The following ZNF469 variants were observed in gnomAD, a reference collection of about 807,000 sequenced individuals.
ZNF469 encodes zinc finger protein 469.
ZNF469 carries 1 observed loss-of-function variant against 1.0 expected under a neutral mutation model. The ratio of observed to expected loss-of-function variants is 1.00; its 90% CI spans 0.35 to 4.73. The LOEUF is 4.73. Ranked by LOEUF, ZNF469 falls within the 30% of genes most tolerant of loss-of-function variation. The pLI is 0.16. For missense variants in ZNF469, 6,100 were observed against 5,356.3 expected (o/e 1.14, Z -4.33); for synonymous variants, 2,703 against 2,363.4 (o/e 1.14, Z -4.17).
chr16:88,401,932 ATAGATACGTGGG>A (rs1268644206), intron 1 of ZNF469, among the ~76,000 whole-genome samples: 1,902 of 126,052 alleles, frequency 0.015, 8 homozygotes, highest in East Asian at 0.043. Context: ...GGATGGATGG[ATAGATACGTGGG>A]TGGATGGGAA....
At chr16:88,204,490 C>A in the ZNF469 span, among the ~76,000 whole-genome samples, 1 of 152,242 alleles carries the variant, frequency 6.6e-6, no homozygotes, top group Non-Finnish European at 1.5e-5. Flanking sequence ...CTAGGCCCTC[C>A]TCGTCCCTCT....
chr16:88,385,407 A>G (rs993967533), intron 1 of ZNF469, among the ~76,000 whole-genome samples: 2 of 152,098 alleles, frequency 1.3e-5, no homozygotes, highest in African/African-American at 2.4e-5. Flanking sequence ...AGGCTGAGAC[A>G]GGTGGATCAC....
At chr16:88,289,150 G>A in the ZNF469 span, among the ~76,000 whole-genome samples, 2 of 151,502 alleles carry the variant, frequency 1.3e-5, no homozygotes, top group East Asian at 3.9e-4. Flanking sequence ...GAGGATGATG[G>A]TGATGGCAAT....
chr16:88,105,082 G>A, the ZNF469 span, among the ~76,000 whole-genome samples: 1 of 152,114 alleles, frequency 6.6e-6, no homozygotes, highest in East Asian at 1.9e-4. Context: ...TTAGCCAGGG[G>A]TGGTGGTGCG....
chr16:88,145,997 A>G, the ZNF469 span, among the ~76,000 whole-genome samples: 3 of 152,220 alleles, frequency 2.0e-5, no homozygotes, highest in Non-Finnish European at 2.9e-5. Flanking sequence ...AGACTGGGCC[A>G]CTTTGTGTTT....
At chr16:88,225,423 C>T in the ZNF469 span, among the ~76,000 whole-genome samples, 1 of 152,142 alleles carries the variant, frequency 6.6e-6, no homozygotes, top group African/African-American at 2.4e-5. Context: ...GATCAAAGGC[C>T]CCCTTTCTAA....
At chr16:88,184,862 G>A in the ZNF469 span, among the ~76,000 whole-genome samples, 6 of 152,222 alleles carry the variant, frequency 3.9e-5, no homozygotes, top group African/African-American at 1.4e-4. Context: ...GGGGACACGT[G>A]CGTGCACAGA....
chr16:88,323,377 T>C, the ZNF469 span, among the ~76,000 whole-genome samples: 1 of 152,246 alleles, frequency 6.6e-6, no homozygotes, highest in African/African-American at 2.4e-5. Flanking sequence ...GCCAAGATGA[T>C]GGCTGCTTAC....
the ZNF469 span, among the ~76,000 whole-genome samples, chr16:88,304,889 C>G: frequency 3.3e-5 from 5 of 152,208 alleles, no homozygotes; most frequent in African/African-American, 1.2e-4. Context: ...CTTGCTTCCC[C>G]TGCAAGAATT....
rs549710207 is a variant in ZNF469, at chr16:88,406,268, A to G, written c.-191-18539A>G. ...TCTCAGGGTGGCCGTGTATGTGTGCACGTGTGTGTTCATCCGTGTACACAT... is the reference window on the plus strand; with the variant it reads ...TCTCAGGGTGGCCGTGTATGTGTGCGCGTGTGTGTTCATCCGTGTACACAT... On this transcript the variant is annotated intron_variant, in intron 1 of 2. Coordinates refer to ENST00000565624, the MANE Select transcript of ZNF469 (RefSeq NM_001367624.2). 6.6e-5 allele frequency among the ~76,000 whole-genome samples: 10 copies of G among 152,308 alleles called. No individual in the cohort carries two copies. The South Asian group carries it at 2.1e-3, about 32-fold the overall frequency.
chr16:88,348,486 G>A, the ZNF469 span, among the ~76,000 whole-genome samples: 33 of 152,170 alleles, frequency 2.2e-4, no homozygotes, highest in Non-Finnish European at 4.3e-4. Flanking sequence ...ATCCCTCAGG[G>A]GCCACCATTG....
the ZNF469 span, among the ~76,000 whole-genome samples, chr16:88,349,119 T>TG: frequency 6.6e-6 from 1 of 151,962 alleles, no homozygotes; most frequent in Non-Finnish European, 1.5e-5. Flanking sequence ...TCCAGCAACC[T>TG]GGAAAAAGAA....
At chr16:88,242,542 T>G in the ZNF469 span, among the ~76,000 whole-genome samples, 1 of 152,352 alleles carries the variant, frequency 6.6e-6, no homozygotes, top group African/African-American at 2.4e-5. Flanking sequence ...GTCACCTCTC[T>G]AAGCCTGTCT....
At chr16:88,142,035 G>T in the ZNF469 span, among the ~76,000 whole-genome samples, 20 of 152,214 alleles carry the variant, frequency 1.3e-4, no homozygotes, top group African/African-American at 4.8e-4. Flanking sequence ...GTGCAGATCT[G>T]AGCTGAGCTC....
the ZNF469 span, among the ~76,000 whole-genome samples, chr16:88,247,091 G>GTGAACGAGTGAGTGAATGAT: frequency 6.6e-6 from 1 of 150,886 alleles, no homozygotes; most frequent in African/African-American, 2.5e-5. Flanking sequence ...GAATGACTGA[G>GTGAACGAGTGAGTGAATGAT]TGAACGAGTG....
At chr16:88,399,957 G>A (rs1383240817) in intron 1 of ZNF469, among the ~76,000 whole-genome samples, 4 of 152,206 alleles carry the variant, frequency 2.6e-5, no homozygotes, top group Non-Finnish European at 5.9e-5. Flanking sequence ...GGGATCCCAC[G>A]CGGGTCACTC....
At position 88,437,264 on chromosome 16, in the gene ZNF469, A is replaced by G. The variant is rs948215296; in HGVS notation, c.9794A>G (p.Asp3265Gly). 3.9e-6 allele frequency: 6 copies of G among 1,548,460 alleles called. No individual in the cohort carries two copies. In the African/African-American group the frequency reaches 6.9e-5, roughly 18 times the overall value. The part of the protein sequence containing the change: ...PWGQEGEAKK[D>G]SPGERAKPRA... ...GGGCAAGAGGGAGAAGCCAAGAAAG[A>G]CAGCCCGGGCGAGAGGGCGAAACCC... Residue 3265 changes from aspartate to glycine, a missense_variant, in exon 3 of 3, where the codon GAC becomes GGC. Physicochemically the swap from Asp to Gly is moderately conservative, Grantham distance 94. Coordinates refer to ENST00000565624, the MANE Select transcript of ZNF469 (RefSeq NM_001367624.2).
Position 88,413,525 on chromosome 16 carries a change from T to G in ZNF469, c.-191-11282T>G, listed in dbSNP as rs578002929. 1.7e-3 allele frequency among the ~76,000 whole-genome samples: 259 copies of G among 152,346 alleles called. 3 individuals are homozygous for G. The highest frequency in any genetic ancestry group is 5.8e-3 in the African/African-American group (243 of 41,584). On this transcript the variant is annotated intron_variant, in intron 1 of 2. Transcript: ENST00000565624. ...CTGTGGCAGCCCTGCTCAGCCCCAC[T>G]GGGCCCCGCCGTCCTGCCTGCCTGT...
At chr16:88,356,547 C>T in the ZNF469 span, among the ~76,000 whole-genome samples, 7 of 152,102 alleles carry the variant, frequency 4.6e-5, no homozygotes, top group East Asian at 1.9e-4. Flanking sequence ...TGTGTGTTGA[C>T]GTGTGCCTGT....
Sources: allele counts gnomAD v4.1 joint callset (sites outside exome capture counted in the v4.1 genomes callset), GRCh38; gene constraint gnomAD v4.1.1; transcripts MANE v1.5; gene names NCBI Gene and HGNC (gene_info 2026-07-23, HGNC 2026-07-21).